Variants in HEATR4 observed in about 807,000 individuals in gnomAD.
The protein encoded by HEATR4 is HEAT repeat-containing protein 4.
Under a neutral mutation model 108.8 loss-of-function variants are expected in HEATR4, and 95 were observed. The observed-to-expected ratio is 0.87, with a 90% CI of 0.74 to 1.04. The LOEUF (loss-of-function observed/expected upper bound fraction) is 1.04, where lower values mean the gene tolerates loss of function less well. HEATR4 is among the 50% of genes least tolerant of loss of function. The pLI, the probability that HEATR4 is intolerant of heterozygous loss-of-function variation, is 0.00. For missense variants in HEATR4, 1,152 were observed against 1,253.8 expected (o/e 0.92, Z 1.23); for synonymous variants, 443 against 459.4 (o/e 0.96, Z 0.46).
chr14:73,551,624 A>G (rs1156489302), intron 1 of HEATR4, among the ~76,000 whole-genome samples: 3 of 112,358 alleles, frequency 2.7e-5, no homozygotes, highest in Non-Finnish European at 3.9e-5. Flanking sequence ...CCTGACCAAC[A>G]TGGTGAAACA....
chr14:73,513,329 C>T (rs1046324535), intron 6 of HEATR4, among the ~76,000 whole-genome samples: 4 of 151,824 alleles, frequency 2.6e-5, no homozygotes, highest in Admixed American at 6.6e-5. Context: ...CATCATGGCA[C>T]ATGCCTATAG....
chr14:73,576,793 CAAAAAAAAAAA>C, the HEATR4 span, among the ~76,000 whole-genome samples: 7 of 12,106 alleles, frequency 5.8e-4, no homozygotes, highest in East Asian at 0.027. Context: ...GACACAGTCT[CAAAAAAAAAAA>C]AAAAAAAAAA....
At chr14:73,593,993 G>A in the HEATR4 span, 2 of 1,226,800 alleles carry the variant, frequency 1.6e-6, no homozygotes, top group Non-Finnish European at 2.2e-6. Context: ...ATGCTGCTCT[G>A]TTCCTCTTTC....
chr14:73,487,329 G>A (rs1885491142), intron 17 of HEATR4, among the ~76,000 whole-genome samples: 1 of 152,016 alleles, frequency 6.6e-6, no homozygotes, highest in African/African-American at 2.4e-5. Context: ...CACTTTGGGA[G>A]GCTGAGGCAG....
chr14:73,552,252 C>A (rs1315674790), intron 1 of HEATR4, among the ~76,000 whole-genome samples: 1 of 100,600 alleles, frequency 9.9e-6, no homozygotes, highest in African/African-American at 3.5e-5. Context: ...AACTCAGACA[C>A]CTTCCACTGG....
At chr14:73,501,086 G>A (rs889387134) in intron 11 of HEATR4, among the ~76,000 whole-genome samples, 1 of 152,190 alleles carries the variant, frequency 6.6e-6, no homozygotes, top group Non-Finnish European at 1.5e-5. Flanking sequence ...TGCCTATGCA[G>A]TCTTTTTGTT....
chr14:73,506,380 A>C lies in HEATR4; in HGVS notation c.1986+87T>G, dbSNP rs1886822780. On this transcript the variant is annotated intron_variant, in intron 10 of 17. Transcript: ENST00000553558. ...ACAGAGATCTGTTTGGTAAGAATGG[A>C]ATAATACATAGCAGCAAAAAGTAGA... The C allele has an allele frequency of 6.9e-6, 6 of 865,006 alleles. No homozygotes were observed. The South Asian group carries it at 8.2e-5, about 12-fold the overall frequency. 53.6% of individuals were successfully genotyped at this position (865,006 alleles called of 1,614,324 possible). A position where few individuals can be genotyped will look rare whatever the true frequency, so the allele number is the denominator to read the frequency against.
chr14:73,479,109 T>TTTTG (rs1313377482), intron 17 of HEATR4, among the ~76,000 whole-genome samples: 8 of 148,166 alleles, frequency 5.4e-5, no homozygotes, highest in Non-Finnish European at 8.9e-5. Flanking sequence ...CAGCTAATTT[T>TTTTG]TTTGTTTGTT....
the HEATR4 span, among the ~76,000 whole-genome samples, chr14:73,597,552 T>A: frequency 6.6e-6 from 1 of 151,678 alleles, no homozygotes; most frequent in East Asian, 1.9e-4. Context: ...GCCCAGCTAA[T>A]TTTTGTATTT....
In HEATR4 at chr14:73,492,290, C is replaced by T. The variant is rs1199065998; in HGVS notation, c.2844+776G>A. The stretch of plus-strand genomic sequence containing the variant: ...GCACCTCACCTTGTCCACGTACCAG[C>T]GCAATACCTGGGGTGACTTCTTAGA... On this transcript the variant is annotated intron_variant, in intron 17 of 17. Coordinates refer to ENST00000553558, the MANE Select transcript of HEATR4 (RefSeq NM_001220484.1). This position sits in a 1 kb window ranked among gnomAD's most constrained non-coding sequence, Gnocchi z 4.9. 6.2e-7 allele frequency: 1 copy of T among 1,614,030 alleles called. No individual in the cohort carries two copies.
At chr14:73,581,921 C>T in the HEATR4 span, 3 of 66,516 alleles carry the variant, frequency 4.5e-5, no homozygotes, top group Non-Finnish European at 8.6e-5. Flanking sequence ...GAAGGTGACC[C>T]CCCTCCCACA....
rs1566829993 is a variant in HEATR4 at position 73,506,807 on chromosome 14, T to TTTTTTTTTTTTTTTTTTTTG, written c.1882-237_1882-236insCAAAAAAAAAAAAAAAAAAA. Among the ~76,000 whole-genome samples the TTTTTTTTTTTTTTTTTTTTG allele has an allele frequency of 6.8e-5, 7 of 102,306 alleles. No homozygotes were observed. In the South Asian group the frequency reaches 2.3e-3, roughly 33 times the overall value. 67.1% of individuals were successfully genotyped at this position (102,306 alleles called of 152,430 possible). A position where few individuals can be genotyped will look rare whatever the true frequency, so the allele number is the denominator to read the frequency against. ...CCTTCCTTTCCTGACTTTAACTGTT[T>TTTTTTTTTTTTTTTTTTTTG]TTTTTTTTTTTTTTTTTTCTGAGAA... is the stretch of plus-strand genomic sequence containing the variant. On this transcript the variant is annotated intron_variant, in intron 9 of 17. Coordinates refer to ENST00000553558, the MANE Select transcript of HEATR4 (RefSeq NM_001220484.1).
chr14:73,569,635 G>A, the HEATR4 span: 2 of 1,602,646 alleles, frequency 1.2e-6, no homozygotes, highest in Non-Finnish European at 1.7e-6. Flanking sequence ...GCGCTGGGCG[G>A]CAGCTTCGCG....
At chr14:73,589,635 A>G in the HEATR4 span, among the ~76,000 whole-genome samples, 2 of 152,224 alleles carry the variant, frequency 1.3e-5, no homozygotes, top group South Asian at 2.1e-4. Context: ...ATATTTCATC[A>G]AAAAGCTTTT....
the HEATR4 span, chr14:73,617,339 G>T: frequency 1.8e-6 from 2 of 1,108,502 alleles, no homozygotes; most frequent in Non-Finnish European, 2.7e-6. Flanking sequence ...TGGAAGCTGG[G>T]CATGGTGATG....
At chr14:73,596,955 AAAACTGATGTCAAAGACAT>A in the HEATR4 span, among the ~76,000 whole-genome samples, 2 of 152,170 alleles carry the variant, frequency 1.3e-5, no homozygotes, top group Admixed American at 1.3e-4. Context: ...AGAAATTTCC[AAAACTGATGTCAAAGACAT>A]CAAGCCACAT....
At chr14:73,520,570 T>C in intron 4 of HEATR4, 2 of 316,122 alleles carry the variant, frequency 6.3e-6, no homozygotes, top group Non-Finnish European at 1.2e-5. Flanking sequence ...AAGAGATGGA[T>C]TGTTCCCAAA....
chr14:73,621,104 T>G, the HEATR4 span, among the ~76,000 whole-genome samples: 1 of 151,892 alleles, frequency 6.6e-6, no homozygotes, highest in Non-Finnish European at 1.5e-5. Context: ...TCCCAGCTAC[T>G]TGGGAGGCTG....
At chr14:73,628,823 T>G in the HEATR4 span, among the ~76,000 whole-genome samples, 20 of 151,066 alleles carry the variant, frequency 1.3e-4, no homozygotes, top group South Asian at 2.1e-4. Flanking sequence ...AAGCCGAGGC[T>G]GGTGGATGAC....
Sources: allele counts gnomAD v4.1 joint callset (sites outside exome capture counted in the v4.1 genomes callset), GRCh38; gene constraint gnomAD v4.1.1; non-coding constraint Gnocchi (gnomAD v3.1); transcripts MANE v1.5; gene names NCBI Gene and HGNC (gene_info 2026-07-23, HGNC 2026-07-21).